Variants in CCDC146 observed in about 807,000 individuals in gnomAD.
The protein encoded by CCDC146 is coiled-coil domain-containing protein 146.
Under a neutral mutation model 119.3 loss-of-function variants are expected in CCDC146, and 92 were observed. The ratio of observed to expected loss-of-function variants is 0.77; its 90% CI spans 0.65 to 0.92. The LOEUF is 0.92. Ranked by LOEUF, CCDC146 falls within the 40% of genes least tolerant of loss-of-function variation. The pLI is 0.00. For synonymous variants in CCDC146, 372 were observed against 371.8 expected, an observed-to-expected ratio of 1.00 and a Z score of -0.01; for missense variants, 1,000 against 1,103.0, an observed-to-expected ratio of 0.91 and a Z score of 1.32.
At chr7:77,260,919 C>T (rs556272640) in intron 8 of CCDC146, among the ~76,000 whole-genome samples, 1 of 152,130 alleles carries the variant, frequency 6.6e-6, no homozygotes, top group Non-Finnish European at 1.5e-5. Flanking sequence ...TGAGCCACCG[C>T]GCCCAGCCTA....
chr7:77,183,450 A>C (rs1387497439), intron 2 of CCDC146, among the ~76,000 whole-genome samples: 1 of 152,148 alleles, frequency 6.6e-6, no homozygotes, highest in South Asian at 2.1e-4. Context: ...TTGACCTCAC[A>C]GTCAAATCCC....
chr7:77,293,241 G>T (rs1400492937), intron 18 of CCDC146, 41 bp downstream of exon 18: 1 of 1,585,648 alleles, frequency 6.3e-7, no homozygotes, highest in Admixed American at 1.8e-5. Flanking sequence ...AAGGGTGCCA[G>T]CAGGGGTTGC....
Position 77,196,430 on chromosome 7 carries a change from T to C in CCDC146, c.156+28606T>C. On this transcript the variant is annotated intron_variant, in intron 2 of 18. Transcript: ENST00000285871. This position sits in a 1 kb window ranked among gnomAD's most constrained non-coding sequence, Gnocchi z 4.2. ...GTATTTTTGGTGATAATATTTGCCATTTAAGTTTGCAGAAAGACATGCATC... is the reference window on the plus strand; with the variant it reads ...GTATTTTTGGTGATAATATTTGCCACTTAAGTTTGCAGAAAGACATGCATC... 1 of 1,614,142 alleles carries C rather than the reference T, an allele frequency of 6.2e-7. No individual in the cohort carries two copies. The highest frequency in any genetic ancestry group is 8.5e-7 in the Non-Finnish European group (1 of 1,180,020).
intron 2 of CCDC146, among the ~76,000 whole-genome samples, chr7:77,200,883 GT>G (rs1194854603): frequency 1.3e-5 from 2 of 152,082 alleles, no homozygotes; most frequent in Non-Finnish European, 2.9e-5. Context: ...TTTAAAAAGG[GT>G]TTTTTTGCTT....
At chr7:77,226,164 CA>C (rs1792509657) in intron 2 of CCDC146, among the ~76,000 whole-genome samples, 2 of 152,184 alleles carry the variant, frequency 1.3e-5, no homozygotes, top group Admixed American at 1.3e-4. Flanking sequence ...GAGCTCAATG[CA>C]TTTGGAAACT....
chr7:77,177,383 A>C (rs2150413990), intron 2 of CCDC146, among the ~76,000 whole-genome samples: 1 of 152,308 alleles, frequency 6.6e-6, no homozygotes, highest in South Asian at 2.1e-4. Flanking sequence ...TCAAGTATGT[A>C]AACTTACTTT....
intron 1 of CCDC146, among the ~76,000 whole-genome samples, chr7:77,152,359 T>G (rs1482069330): frequency 1.3e-5 from 2 of 152,174 alleles, no homozygotes; most frequent in African/African-American, 4.8e-5. Context: ...GAGTAAGGGA[T>G]GCTGCCCCAG....
At chr7:77,286,652 C>A (rs948126065) in intron 15 of CCDC146, 146 bp from the exon 16 acceptor site, 2 of 705,234 alleles carry the variant, frequency 2.8e-6, no homozygotes, top group South Asian at 1.8e-5. Flanking sequence ...CAGGTCCCAG[C>A]TGATGGGGTG....
rs1356699906 is a variant in CCDC146, at chr7:77,220,396, CAT to C, written c.157-16550_157-16549del. On this transcript the variant is annotated intron_variant, in intron 2 of 18. Coordinates refer to ENST00000285871, the MANE Select transcript of CCDC146 (RefSeq NM_020879.3). ...CCAGATTTCGTATTGTTCAAACACA[CAT>C]GTTTTACAAACAATTTGTACAGATA... Among the ~76,000 whole-genome samples the C allele has an allele frequency of 5.3e-5, 8 of 152,164 alleles. No homozygotes were observed. The East Asian group carries it at 5.8e-4, about 11-fold the overall frequency.
intron 1 of CCDC146, among the ~76,000 whole-genome samples, chr7:77,136,752 T>C (rs1790865841): frequency 6.6e-6 from 1 of 152,214 alleles, no homozygotes; most frequent in African/African-American, 2.4e-5. Flanking sequence ...AGAATACTTC[T>C]GAATCACTCT....
intron 2 of CCDC146, among the ~76,000 whole-genome samples, chr7:77,214,783 C>T (rs952025004): frequency 3.3e-5 from 5 of 151,934 alleles, no homozygotes; most frequent in Non-Finnish European, 5.9e-5. Flanking sequence ...TCTGTTCCAT[C>T]GATCTGTGTG....
intron 2 of CCDC146, among the ~76,000 whole-genome samples, chr7:77,172,276 A>G (rs1176998744): frequency 6.6e-6 from 1 of 152,238 alleles, no homozygotes; most frequent in Non-Finnish European, 1.5e-5. Flanking sequence ...AGTTTTTAAC[A>G]TACTGTGTAT....
intron 1 of CCDC146, among the ~76,000 whole-genome samples, chr7:77,133,852 C>CACTCACACACACAT (rs1221404758): frequency 2.6e-5 from 4 of 151,814 alleles, no homozygotes; most frequent in African/African-American, 9.7e-5. Context: ...CACACACACA[C>CACTCACACACACAT]ACTCACACAC....
In CCDC146 at chr7:77,144,551, G is replaced by A. The variant is rs1037716709; in HGVS notation, c.-12+21819G>A. ...CTGTTCAGTATGATATTGGTTGTGGGTTTGTCATAAATACCTCTTATTATT... is the reference window on the plus strand; with the variant it reads ...CTGTTCAGTATGATATTGGTTGTGGATTTGTCATAAATACCTCTTATTATT... On this transcript the variant is annotated intron_variant, in intron 1 of 18. Transcript: ENST00000285871. 1.4e-4 allele frequency among the ~76,000 whole-genome samples: 22 copies of A among 151,826 alleles called. 5 individuals carry two copies. Among genetic ancestry groups the A allele is most frequent in the East Asian group, 7.7e-4 (4 of 5,188 alleles).
intron 14 of CCDC146, among the ~76,000 whole-genome samples, chr7:77,281,829 G>A (rs975364193): frequency 6.6e-6 from 1 of 152,128 alleles, no homozygotes; most frequent in South Asian, 2.1e-4. Flanking sequence ...TTTTCAAAGG[G>A]CTGGTAGGTT....
intron 2 of CCDC146, among the ~76,000 whole-genome samples, chr7:77,228,585 GT>G (rs1294114233): frequency 6.6e-6 from 1 of 152,170 alleles, no homozygotes; most frequent in Admixed American, 6.5e-5. Flanking sequence ...TTGATTCCAT[GT>G]CTTTGCTATT....
At chr7:77,208,982 A>C (rs1792129042) in intron 2 of CCDC146, among the ~76,000 whole-genome samples, 1 of 152,180 alleles carries the variant, frequency 6.6e-6, no homozygotes, top group African/African-American at 2.4e-5. Flanking sequence ...TACAGGCATG[A>C]TATCTGGGCA....
At position 77,206,423 on chromosome 7, in the gene CCDC146, C is replaced by T. The variant is rs187626997; in HGVS notation, c.157-30524C>T. ...CTTGAGGTCAGGAGTTCAACCAGCCCGGCCAATGTGGTGAAATCCCATCTC... is the reference window on the plus strand; with the variant it reads ...CTTGAGGTCAGGAGTTCAACCAGCCTGGCCAATGTGGTGAAATCCCATCTC... On this transcript the variant is annotated intron_variant, in intron 2 of 18. Transcript: ENST00000285871. Among the ~76,000 whole-genome samples, 488 of 151,986 alleles carry T rather than the reference C, an allele frequency of 3.2e-3. 5 individuals carry two copies. Among genetic ancestry groups the T allele is most frequent in the African/African-American group, 4.8e-3 (200 of 41,454 alleles).
chr7:77,227,457 C>A (rs1307522892), intron 2 of CCDC146, among the ~76,000 whole-genome samples: 3 of 152,166 alleles, frequency 2.0e-5, no homozygotes, highest in African/African-American at 7.2e-5. Context: ...AGGTGCCTGC[C>A]ACCACGCCCG....
Sources: allele counts gnomAD v4.1 joint callset (sites outside exome capture counted in the v4.1 genomes callset), GRCh38; gene constraint gnomAD v4.1.1; non-coding constraint Gnocchi (gnomAD v3.1); transcripts MANE v1.5; gene names NCBI Gene and HGNC (gene_info 2026-07-23, HGNC 2026-07-21).